ARGFX: variants seen among roughly 807,000 people sequenced by gnomAD.
ARGFX encodes arginine-fifty homeobox.
ARGFX carries 10 observed loss-of-function variants against 8.0 expected under a neutral mutation model. The observed-to-expected ratio is 1.25, with a 90% confidence interval of 0.77 to 2.12. The LOEUF (loss-of-function observed/expected upper bound fraction) is 2.12. ARGFX is among the 30% of genes most tolerant of loss of function. The pLI is 0.00. For missense variants in ARGFX, 282 were observed against 324.3 expected (o/e 0.87, Z 1.00); for synonymous variants, 116 against 117.8 (o/e 0.98, Z 0.10).
At chr3:121,568,238 TG>T (rs2048685150) in intron 1 of ARGFX, among the ~76,000 whole-genome samples, 2 of 152,158 alleles carry the variant, frequency 1.3e-5, no homozygotes, top group African/African-American at 4.8e-5. Context: ...TTACTGAGTG[TG>T]GTTGTCAGTT....
intron 4 of ARGFX, among the ~76,000 whole-genome samples, chr3:121,585,409 T>G (rs1412923398): frequency 1.3e-5 from 2 of 152,236 alleles, no homozygotes; most frequent in African/African-American, 4.8e-5. Flanking sequence ...AGAGTCTTTT[T>G]AAGCAAAGCC....
chr3:121,580,606 A>ATATATTTTTTT (rs1227697987), intron 3 of ARGFX, among the ~76,000 whole-genome samples: 1 of 115,194 alleles, frequency 8.7e-6, no homozygotes, highest in Admixed American at 1.1e-4. Flanking sequence ...ATATATATAT[A>ATATATTTTTTT]TTTTTTTTTT....
rs1560123624 is a variant in ARGFX, at chr3:121,586,992, T to C, written c.*392T>C. Among the ~76,000 whole-genome samples, 1 of 151,876 alleles carries C rather than the reference T, an allele frequency of 6.6e-6. No homozygotes were observed. On this transcript the variant is annotated 3_prime_UTR_variant, in exon 5 of 5. Transcript: ENST00000334384. ...AAAGCCTTGACCTCCTGGGCTCAGG[T>C]GATCCTCCCACCTCAGCCTCCTGAG...
Position 121,588,532 on chromosome 3 carries a change from C to T in ARGFX, c.*1932C>T, listed in dbSNP as rs2048827230. Among the ~76,000 whole-genome samples, 1 of 150,604 alleles carries T rather than the reference C, an allele frequency of 6.6e-6. No individual in the cohort carries two copies. Among genetic ancestry groups the T allele is most frequent in the African/African-American group, 2.4e-5 (1 of 41,154 alleles). On this transcript the variant is annotated 3_prime_UTR_variant, in exon 5 of 5. Coordinates refer to ENST00000334384, the MANE Select transcript of ARGFX (RefSeq NM_001012659.2). ...AATAAAAGAAACATAAGATAAGTACCTCTCAATGAAAAATGTAAAAGTACC... is the reference window on the plus strand; with the variant it reads ...AATAAAAGAAACATAAGATAAGTACTTCTCAATGAAAAATGTAAAAGTACC...
In ARGFX at chr3:121,589,076, G is replaced by A. The variant is rs2048831062; in HGVS notation, c.*2476G>A. On this transcript the variant is annotated 3_prime_UTR_variant, in exon 5 of 5. Coordinates refer to ENST00000334384, the MANE Select transcript of ARGFX (RefSeq NM_001012659.2). ...CATGGTCCCAGCTACTCGAGAGGCT[G>A]AGGTAAGAGCATCCCTTGAGCCACA... Among the ~76,000 whole-genome samples, 1 of 152,190 alleles carries A rather than the reference G, an allele frequency of 6.6e-6. No individual in the cohort carries two copies. The highest frequency in any genetic ancestry group is 2.1e-4 in the South Asian group (1 of 4,836).
intron 3 of ARGFX, among the ~76,000 whole-genome samples, chr3:121,583,869 G>A (rs2048795099): frequency 6.6e-6 from 1 of 151,698 alleles, no homozygotes; most frequent in African/African-American, 2.4e-5. Flanking sequence ...TAGAGCCTCA[G>A]AAATCCCATA....
chr3:121,572,273 C>T (rs1553833468), intron 2 of ARGFX, among the ~76,000 whole-genome samples: 1 of 136,530 alleles, frequency 7.3e-6, no homozygotes, highest in Non-Finnish European at 1.5e-5. Flanking sequence ...CGGAGTTTCG[C>T]TCTTGTTGCC....
chr3:121,575,464 A>G (rs1428864610), intron 2 of ARGFX, among the ~76,000 whole-genome samples: 2 of 152,180 alleles, frequency 1.3e-5, no homozygotes, highest in African/African-American at 4.8e-5. Flanking sequence ...TCTTTTCGCT[A>G]TAGTCTCTCA....
intron 2 of ARGFX, 97 bp downstream of exon 2, chr3:121,570,913 G>C: frequency 1.2e-6 from 1 of 809,386 alleles, no homozygotes. Flanking sequence ...GGCAGCTATT[G>C]ATTGTTTTAA....
chr3:121,570,354 G>T (rs1029379049), intron 1 of ARGFX, among the ~76,000 whole-genome samples: 1 of 152,172 alleles, frequency 6.6e-6, no homozygotes, highest in Non-Finnish European at 1.5e-5. Context: ...AGTGCTAAAA[G>T]AACTGTCTTT....
Position 121,586,665 on chromosome 3 carries a change from T to A in ARGFX, c.*65T>A. 1 of 1,342,426 alleles carries A rather than the reference T, an allele frequency of 7.4e-7. No individual in the cohort carries two copies. Among genetic ancestry groups the A allele is most frequent in the Non-Finnish European group, 1.0e-6 (1 of 983,684 alleles). The allele number at this position is 1,342,426 out of a possible 1,614,324, so 83.2% of individuals were successfully genotyped here. On this transcript the variant is annotated 3_prime_UTR_variant, in exon 5 of 5. Coordinates refer to ENST00000334384, the MANE Select transcript of ARGFX (RefSeq NM_001012659.2). ...CTTCTTGCCTCTTGTACATGACTGTTTTTTTCCTTTGTCTCATTTTAACCC... is the reference window on the plus strand; with the variant it reads ...CTTCTTGCCTCTTGTACATGACTGTATTTTTCCTTTGTCTCATTTTAACCC...
intron 3 of ARGFX, among the ~76,000 whole-genome samples, chr3:121,582,204 A>G (rs2108838240): frequency 6.6e-6 from 1 of 152,278 alleles, no homozygotes; most frequent in African/African-American, 2.4e-5. Context: ...TGTGGGGGGA[A>G]AGTGGTTATC....
intron 3 of ARGFX, among the ~76,000 whole-genome samples, chr3:121,578,120 C>CTTTTTTTT (rs35072728): frequency 8.8e-6 from 1 of 113,078 alleles, no homozygotes; most frequent in Non-Finnish European, 1.7e-5. Flanking sequence ...CCCTACCCCA[C>CTTTTTTTT]TTTTTTTTTT....
intron 3 of ARGFX, among the ~76,000 whole-genome samples, chr3:121,580,606 A>ATTTTTT (rs57666199): frequency 0.052 from 5,978 of 114,790 alleles, 652 homozygotes; most frequent in East Asian, 0.44. Context: ...ATATATATAT[A>ATTTTTT]TTTTTTTTTT....
At chr3:121,576,719 CTT>C (rs1461703100) in intron 2 of ARGFX, 63 bp from the exon 3 acceptor site, 1 of 243,664 alleles carries the variant, frequency 4.1e-6, no homozygotes. Context: ...TTCTTTCTTT[CTT>C]TCTTTCTTTC....
intron 3 of ARGFX, among the ~76,000 whole-genome samples, chr3:121,584,250 G>GGAAA (rs2048797836): frequency 6.8e-6 from 1 of 147,964 alleles, no homozygotes; most frequent in Admixed American, 6.9e-5. Context: ...AAGGAAGGAA[G>GGAAA]GAAGGAAGGA....
At chr3:121,575,318 CAA>C (rs1211484513) in intron 2 of ARGFX, among the ~76,000 whole-genome samples, 22 of 101,760 alleles carry the variant, frequency 2.2e-4, no homozygotes, top group South Asian at 5.9e-4. Context: ...GACTCCATTT[CAA>C]AAAAAAAAAA....
intron 3 of ARGFX, among the ~76,000 whole-genome samples, chr3:121,582,866 C>T (rs768184568): frequency 4.0e-5 from 6 of 151,614 alleles, no homozygotes; most frequent in Non-Finnish European, 7.4e-5. Flanking sequence ...ACCATGCCCA[C>T]CTAATTTTTA....
intron 1 of ARGFX, among the ~76,000 whole-genome samples, chr3:121,569,455 T>C (rs892086953): frequency 1.5e-4 from 22 of 147,894 alleles, no homozygotes; most frequent in African/African-American, 5.3e-4. Flanking sequence ...AACCTCTGCC[T>C]CCTGGGTTCA....
Sources: allele counts gnomAD v4.1 joint callset (sites outside exome capture counted in the v4.1 genomes callset), GRCh38; gene constraint gnomAD v4.1.1; transcripts MANE v1.5; gene names NCBI Gene and HGNC (gene_info 2026-07-23, HGNC 2026-07-21).